ESR2: variants seen among roughly 807,000 people sequenced by gnomAD.
The protein encoded by ESR2 is estrogen receptor 2.
In ESR2, 36 loss-of-function variants were observed where a neutral mutation model predicts 49.6. That is an observed-to-expected ratio of 0.73 (90% CI 0.56 to 0.96). The LOEUF is 0.96. Ranked by LOEUF, ESR2 falls within the 40% of genes least tolerant of loss-of-function variation. The pLI, the probability that ESR2 is intolerant of heterozygous loss-of-function variation, is 0.00. For synonymous variants in ESR2, 320 were observed against 266.1 expected (o/e 1.20, Z -1.97); for missense variants, 714 against 693.0 (o/e 1.03, Z -0.34).
intron 1 of ESR2, among the ~76,000 whole-genome samples, chr14:64,332,516 T>G (rs2077472325): frequency 6.6e-6 from 1 of 152,130 alleles, no homozygotes; most frequent in Admixed American, 6.5e-5. Flanking sequence ...AAAAGGGTAC[T>G]GTAACCAGGC....
At position 64,249,427 on chromosome 14, in the gene ESR2, A is replaced by C. The variant is rs1010745754; in HGVS notation, c.1225+119T>G. Reference sequence around the variant, plus strand: ...TATCAAAATAAAAACGAAGTCCAAAAGGAAACCATTTTACCCTTTCAAATA... The same window carrying C: ...TATCAAAATAAAAACGAAGTCCAAACGGAAACCATTTTACCCTTTCAAATA... On this transcript the variant is annotated intron_variant, in intron 7 of 8. Transcript: ENST00000341099. 4.9e-6 allele frequency: 6 copies of C among 1,233,844 alleles called. No individual in the cohort carries two copies. In the African/African-American group the frequency reaches 7.7e-5, roughly 16 times the overall value. The allele number at this position is 1,233,844 out of a possible 1,614,324, so 76.4% of individuals were successfully genotyped here. A position where few individuals can be genotyped will look rare whatever the true frequency, so the allele number is the denominator to read the frequency against.
intron 2 of ESR2, among the ~76,000 whole-genome samples, chr14:64,282,238 G>A (rs538637039): frequency 1.5e-4 from 23 of 152,086 alleles, no homozygotes; most frequent in Admixed American, 1.2e-3. Flanking sequence ...CCAGCTACTC[G>A]GGAGACTAAG....
chr14:64,260,983 CAA>C lies in ESR2; in HGVS notation c.653-237_653-236del, dbSNP rs55701203. On this transcript the variant is annotated intron_variant, in intron 4 of 8. Transcript: ENST00000341099. Reference sequence around the variant, plus strand: ...TAAAGAGTGCTCATAAACCTGTTTCCAAACCATGAAATTAGGAATTTTCTTCA... The same window carrying C: ...TAAAGAGTGCTCATAAACCTGTTTCCACCATGAAATTAGGAATTTTCTTCA... 0.28 allele frequency among the ~76,000 whole-genome samples: 42,657 copies of C among 151,886 alleles called. 6,123 individuals carry two copies. The highest frequency in any genetic ancestry group is 0.36 in the Middle Eastern group (107 of 294).
intron 7 of ESR2, among the ~76,000 whole-genome samples, chr14:64,242,926 G>A (rs2075769546): frequency 6.6e-6 from 1 of 152,212 alleles, no homozygotes; most frequent in African/African-American, 2.4e-5. Context: ...CACATCTCAT[G>A]TGGCGGCAGA....
intron 1 of ESR2, among the ~76,000 whole-genome samples, chr14:64,328,466 A>G (rs1038945671): frequency 5.3e-5 from 8 of 152,188 alleles, no homozygotes; most frequent in Admixed American, 2.0e-4. Context: ...AGTAATTCCA[A>G]TAGTCCCAAG....
At chr14:64,272,060 G>GC (rs1282993076) in intron 3 of ESR2, among the ~76,000 whole-genome samples, 1 of 152,134 alleles carries the variant, frequency 6.6e-6, no homozygotes, top group Non-Finnish European at 1.5e-5. Context: ...ATCCTCACTA[G>GC]CATTTGTTAT....
intron 1 of ESR2, among the ~76,000 whole-genome samples, chr14:64,289,662 T>C (rs2076840685): frequency 6.6e-6 from 1 of 152,014 alleles, no homozygotes; most frequent in Non-Finnish European, 1.5e-5. Context: ...TTACAATGTC[T>C]TTATGGCCAC....
intron 1 of ESR2, among the ~76,000 whole-genome samples, chr14:64,335,567 G>A (rs1408893459): frequency 1.3e-5 from 2 of 152,170 alleles, no homozygotes; most frequent in East Asian, 3.9e-4. Flanking sequence ...CATCGTGGGG[G>A]CCCCATCTGC....
Position 64,282,922 on chromosome 14 carries a change from T to G in ESR2, c.64A>C (p.Ile22Leu). The G allele has an allele frequency of 6.2e-7, 1 of 1,614,074 alleles. No individual in the cohort carries two copies. Among genetic ancestry groups the G allele is most frequent in the South Asian group, 1.1e-5 (1 of 91,076 alleles). ...SPSSYNCSQS[I>L]LPLEHGSIYI... Reference sequence around the variant, plus strand: ...ATGGAGCCGTGCTCCAGGGGTAAGATGGATTGACTGCAGTTGTAGGAGGAA... The same window carrying G: ...ATGGAGCCGTGCTCCAGGGGTAAGAGGGATTGACTGCAGTTGTAGGAGGAA... Residue 22 changes from isoleucine to leucine, a missense_variant, in exon 2 of 9, where the codon ATC (isoleucine) becomes CTC (leucine). By Grantham distance (5) the Ile-to-Leu change is conservative (BLOSUM62 2). Coordinates refer to ENST00000341099, the MANE Select transcript of ESR2 (RefSeq NM_001437.3).
intron 3 of ESR2, among the ~76,000 whole-genome samples, chr14:64,270,557 T>G (rs2076421795): frequency 6.6e-6 from 1 of 151,998 alleles, no homozygotes; most frequent in Non-Finnish European, 1.5e-5. Flanking sequence ...GTTGCCTAGG[T>G]TAGAGCGCAG....
chr14:64,278,237 A>G (rs2076595902), intron 3 of ESR2, among the ~76,000 whole-genome samples: 2 of 152,214 alleles, frequency 1.3e-5, no homozygotes, highest in Non-Finnish European at 2.9e-5. Flanking sequence ...ACCTTATTTC[A>G]TCTTTAGAAA....
chr14:64,261,175 T>C (rs2076212905), intron 4 of ESR2, among the ~76,000 whole-genome samples: 1 of 151,662 alleles, frequency 6.6e-6, no homozygotes, highest in Non-Finnish European at 1.5e-5. Flanking sequence ...CTGAAAAATA[T>C]AGAAGAGAAT....
Position 64,230,315 on chromosome 14 carries a change from G to A in ESR2, c.*2822C>T, listed in dbSNP as rs2098725998. Among the ~76,000 whole-genome samples the A allele has an allele frequency of 2.0e-5, 3 of 151,910 alleles. No individual in the cohort carries two copies. In the South Asian group the frequency reaches 6.2e-4, roughly 32 times the overall value. ...AAAGTCCCTTAGCAGACGTAAATAA[G>A]AACTAAACCCTGCTTTCACATGCTA... On this transcript the variant is annotated 3_prime_UTR_variant, in exon 9 of 9. Coordinates refer to ENST00000341099, the MANE Select transcript of ESR2 (RefSeq NM_001437.3).
At chr14:64,234,334 A>AC (rs2098730307) in intron 8 of ESR2, 1 of 152,490 alleles carries the variant, frequency 6.6e-6, no homozygotes, top group Admixed American at 6.6e-5. Context: ...GGGCAAGGCT[A>AC]CCCTCATCGT....
intron 7 of ESR2, among the ~76,000 whole-genome samples, chr14:64,245,136 AC>A (rs760466284): frequency 1.2e-4 from 19 of 152,146 alleles, no homozygotes; most frequent in Non-Finnish European, 2.2e-4. Context: ...GACTCACTTA[AC>A]CTAGCAGTGA....
intron 1 of ESR2, among the ~76,000 whole-genome samples, chr14:64,287,023 TG>T (rs2076795224): frequency 6.8e-6 from 1 of 147,570 alleles, no homozygotes; most frequent in Non-Finnish European, 1.5e-5. Flanking sequence ...GGCCTGAAGT[TG>T]TTTTTTTTTT....
chr14:64,237,169 C>T (rs2075622434), intron 7 of ESR2, among the ~76,000 whole-genome samples: 1 of 152,018 alleles, frequency 6.6e-6, no homozygotes, highest in Non-Finnish European at 1.5e-5. Context: ...ACCATGCTGG[C>T]CAGGCTGGTC....
Position 64,228,998 on chromosome 14 carries a change from G to T in ESR2, c.*4139C>A, listed in dbSNP as rs2098724819. Among the ~76,000 whole-genome samples, 1 of 152,192 alleles carries T rather than the reference G, an allele frequency of 6.6e-6. No homozygotes were observed. Among genetic ancestry groups the T allele is most frequent in the South Asian group, 2.1e-4 (1 of 4,828 alleles). ...CACAGGGAAGCAGCAGTGCCTAAAA[G>T]ATGTGAATTTTACATGAGTACACTT... On this transcript the variant is annotated 3_prime_UTR_variant, in exon 9 of 9. Coordinates refer to ENST00000341099, the MANE Select transcript of ESR2 (RefSeq NM_001437.3).
intron 1 of ESR2, among the ~76,000 whole-genome samples, chr14:64,290,852 T>C (rs2076859486): frequency 1.3e-5 from 2 of 152,218 alleles, no homozygotes; most frequent in African/African-American, 4.8e-5. Context: ...GGAAACCCTG[T>C]TTCCTTCTAA....
Sources: allele counts gnomAD v4.1 joint callset (sites outside exome capture counted in the v4.1 genomes callset), GRCh38; gene constraint gnomAD v4.1.1; transcripts MANE v1.5; gene names NCBI Gene and HGNC (gene_info 2026-07-23, HGNC 2026-07-21).